Variants in SH3RF3 observed in about 807,000 individuals in gnomAD.
SH3RF3 encodes E3 ubiquitin-protein ligase SH3RF3.
A neutral mutation model predicts 66.3 loss-of-function variants in SH3RF3; 29 were observed. That is an observed-to-expected ratio of 0.44 (90% CI 0.33 to 0.60). The LOEUF (loss-of-function observed/expected upper bound fraction) is 0.60. SH3RF3 is among the 20% of genes least tolerant of loss of function. SH3RF3 has a pLI of 0.04. For synonymous variants in SH3RF3, 583 were observed against 532.0 expected (o/e 1.10, Z -1.32); for missense variants, 1,194 against 1,190.9 (o/e 1.00, Z -0.04).
intron 1 of SH3RF3, among the ~76,000 whole-genome samples, chr2:109,248,140 T>C (rs58071122): frequency 0.056 from 8,576 of 152,308 alleles, 420 homozygotes; most frequent in East Asian, 0.2. Flanking sequence ...CTTTTGATTG[T>C]TGATCTTTTA....
intron 7 of SH3RF3, among the ~76,000 whole-genome samples, chr2:109,442,082 C>T (rs532096992): frequency 1.3e-4 from 20 of 152,166 alleles, no homozygotes; most frequent in Admixed American, 7.2e-4. Flanking sequence ...GAGGCTGAGA[C>T]GGGTGGATCA....
intron 8 of SH3RF3, among the ~76,000 whole-genome samples, chr2:109,455,229 C>G (rs1678007532): frequency 6.6e-6 from 1 of 152,216 alleles, no homozygotes. Context: ...TCCAGGGTAG[C>G]GGCTGGCAGG....
At chr2:109,343,400 A>C (rs1682602320) in intron 1 of SH3RF3, among the ~76,000 whole-genome samples, 1 of 151,078 alleles carries the variant, frequency 6.6e-6, no homozygotes, top group African/African-American at 2.4e-5. Context: ...TGTGTCCTGC[A>C]TCTTAAAAAG....
intron 8 of SH3RF3, among the ~76,000 whole-genome samples, chr2:109,484,611 T>A (rs1248223016): frequency 6.6e-6 from 1 of 152,210 alleles, no homozygotes; most frequent in Non-Finnish European, 1.5e-5. Context: ...TGGTCCATCA[T>A]ATCTAGTACC....
chr2:109,267,899 C>T (rs1680535700), intron 1 of SH3RF3, among the ~76,000 whole-genome samples: 1 of 129,496 alleles, frequency 7.7e-6, no homozygotes, highest in Non-Finnish European at 1.6e-5. Flanking sequence ...GGAGCTGCTG[C>T]AGCACAGCCA....
At chr2:109,371,416 G>C (rs1489440466) in intron 2 of SH3RF3, among the ~76,000 whole-genome samples, 170 bp from the exon 3 acceptor site, 1 of 152,226 alleles carries the variant, frequency 6.6e-6, no homozygotes, top group East Asian at 1.9e-4. Context: ...GAAAGAAAGA[G>C]AGGGTGCTCC....
chr2:109,266,539 A>G (rs185795192), intron 1 of SH3RF3, among the ~76,000 whole-genome samples: 1 of 152,176 alleles, frequency 6.6e-6, no homozygotes, highest in Non-Finnish European at 1.5e-5. Context: ...AATACAGTGA[A>G]GTCCTTAAAC....
At chr2:109,392,761 C>G (rs755622072) in intron 3 of SH3RF3, among the ~76,000 whole-genome samples, 1 of 151,968 alleles carries the variant, frequency 6.6e-6, no homozygotes, top group African/African-American at 2.4e-5. Context: ...GTGATCCGCC[C>G]ACCTCAGCCT....
intron 4 of SH3RF3, among the ~76,000 whole-genome samples, chr2:109,403,286 C>A (rs35555164): frequency 0.35 from 53,965 of 152,042 alleles, 9,999 homozygotes; most frequent in Non-Finnish European, 0.41. Flanking sequence ...GCCTGTCCCC[C>A]ATCTCTCCTT....
intron 3 of SH3RF3, among the ~76,000 whole-genome samples, chr2:109,391,583 T>C (rs970202939): frequency 6.6e-6 from 1 of 152,228 alleles, no homozygotes; most frequent in Non-Finnish European, 1.5e-5. Flanking sequence ...AGCAGGTGTG[T>C]GGCCACGGCT....
chr2:109,201,420 GCA>G (rs1678672626), intron 1 of SH3RF3, among the ~76,000 whole-genome samples: 3 of 152,088 alleles, frequency 2.0e-5, no homozygotes, highest in African/African-American at 7.2e-5. Context: ...CTGTCTCCAG[GCA>G]CACATCCAGG....
chr2:109,342,088 A>G (rs918489979), intron 1 of SH3RF3, among the ~76,000 whole-genome samples: 2 of 152,184 alleles, frequency 1.3e-5, no homozygotes, highest in Non-Finnish European at 2.9e-5. Flanking sequence ...ATGCTGTGCT[A>G]TACAGGTCTG....
Position 109,129,412 on chromosome 2 carries a change from C to A in SH3RF3, c.-129C>A. On this transcript the variant is annotated 5_prime_UTR_variant, in exon 1 of 10. Transcript: ENST00000309415. ...CACCGCCACAGCCCTAGCATCGGGCCACCAGCCGGGGTGAAGAAAGTCACG... is the reference window on the plus strand; with the variant it reads ...CACCGCCACAGCCCTAGCATCGGGCAACCAGCCGGGGTGAAGAAAGTCACG... 6.9e-7 allele frequency: 1 copy of A among 1,444,578 alleles called. No homozygotes were observed. The highest frequency in any genetic ancestry group is 9.2e-7 in the Non-Finnish European group (1 of 1,081,294). 89.5% of individuals were successfully genotyped at this position (1,444,578 alleles called of 1,614,324 possible). A position where few individuals can be genotyped will look rare whatever the true frequency, so the allele number is the denominator to read the frequency against.
rs530116108 is a variant in SH3RF3 at position 109,301,923 on chromosome 2, G to A, written c.574-45751G>A. On this transcript the variant is annotated intron_variant, in intron 1 of 9. Transcript: ENST00000309415. ...GTAGCTTCCCCGGTGCGGGACCGGG[G>A]TCCATTTTCTGCCCTCCTTCCCGCA... 5.3e-5 allele frequency among the ~76,000 whole-genome samples: 8 copies of A among 152,312 alleles called. No individual in the cohort carries two copies. The East Asian group carries it at 1.5e-3, about 29-fold the overall frequency.
chr2:109,400,226 GCA>G (rs900360837), intron 4 of SH3RF3, among the ~76,000 whole-genome samples: 2 of 151,546 alleles, frequency 1.3e-5, no homozygotes, highest in East Asian at 1.9e-4. Flanking sequence ...ACACATGCAC[GCA>G]CACACACACA....
intron 1 of SH3RF3, among the ~76,000 whole-genome samples, chr2:109,341,117 G>C (rs1238996533): frequency 6.6e-6 from 1 of 152,156 alleles, no homozygotes; most frequent in African/African-American, 2.4e-5. Context: ...GGATGAATGA[G>C]TGTGCAAATA....
intron 1 of SH3RF3, among the ~76,000 whole-genome samples, chr2:109,175,430 C>T (rs1293453617): frequency 2.0e-5 from 3 of 152,196 alleles, no homozygotes; most frequent in East Asian, 1.9e-4. Context: ...TTTTGGCAGT[C>T]GTCTGTGTAA....
At chr2:109,399,901 C>T (rs1676256891) in intron 4 of SH3RF3, among the ~76,000 whole-genome samples, 1 of 152,226 alleles carries the variant, frequency 6.6e-6, no homozygotes, top group South Asian at 2.1e-4. Context: ...GGTGCCCACA[C>T]AATGGTGCCC....
chr2:109,247,941 A>T (rs141905701), intron 1 of SH3RF3, among the ~76,000 whole-genome samples: 1 of 152,170 alleles, frequency 6.6e-6, no homozygotes, highest in African/African-American at 2.4e-5. Context: ...GCAGACTCCA[A>T]CGTGCAAGCG....
Sources: gnomAD v4.1 joint callset for allele counts (sites outside exome capture counted in the v4.1 genomes callset) on GRCh38, gnomAD v4.1.1 for gene constraint, MANE v1.5 for transcripts, NCBI Gene and HGNC (gene_info 2026-07-23, HGNC 2026-07-21) for gene names.